The following FSIP1 variants were observed in gnomAD, a reference collection of about 807,000 sequenced individuals.
FSIP1 encodes fibrous sheath interacting protein 1.
A neutral mutation model predicts 60.9 loss-of-function variants in FSIP1; 65 were observed. The ratio of observed to expected loss-of-function variants is 1.07; its 90% confidence interval spans 0.87 to 1.31. The LOEUF (loss-of-function observed/expected upper bound fraction) is 1.31. Ranked by LOEUF, FSIP1 falls within the 40% of genes most tolerant of loss-of-function variation. The probability of loss-of-function intolerance (pLI) is 0.00; values close to 1 mark genes in which losing one functional copy is unlikely to be tolerated. For missense variants in FSIP1, 675 were observed against 665.5 expected, an observed-to-expected ratio of 1.01 and a Z score of -0.16; for synonymous variants, 209 against 221.2, an observed-to-expected ratio of 0.94 and a Z score of 0.49.
At position 39,677,554 on chromosome 15, in the gene FSIP1, C is replaced by T. The variant is rs185301623; in HGVS notation, c.1188+35890G>A. Among the ~76,000 whole-genome samples the T allele has an allele frequency of 9.4e-4, 143 of 152,148 alleles. 1 individual carries two copies. Among genetic ancestry groups the T allele is most frequent in the Non-Finnish European group, 1.8e-3 (122 of 67,992 alleles). On this transcript the variant is annotated intron_variant, in intron 10 of 11. Coordinates refer to ENST00000350221, the MANE Select transcript of FSIP1 (RefSeq NM_152597.5). ...ACCCCTTTAAACCAGTATTTCTACCCCTAGGAATTTATCTGAAGGAAATAA... is the reference window on the plus strand; with the variant it reads ...ACCCCTTTAAACCAGTATTTCTACCTCTAGGAATTTATCTGAAGGAAATAA...
chr15:39,738,224 AT>A, intron 7 of FSIP1, 23 bp from the exon 8 acceptor site: 1 of 1,476,176 alleles, frequency 6.8e-7, no homozygotes. Flanking sequence ...TTAATGGAAA[AT>A]ATCATATACT....
chr15:39,619,791 C>A (rs187463671), intron 10 of FSIP1, among the ~76,000 whole-genome samples: 10 of 152,144 alleles, frequency 6.6e-5, no homozygotes, highest in African/African-American at 2.4e-4. Flanking sequence ...TTAGAAAGAG[C>A]CCGCTGAGTG....
chr15:39,611,603 C>A (rs1214537716), intron 11 of FSIP1, among the ~76,000 whole-genome samples: 2 of 152,188 alleles, frequency 1.3e-5, no homozygotes, highest in African/African-American at 4.8e-5. Context: ...AAAGAAACAA[C>A]AGCTCTACAA....
At chr15:39,625,074 C>T (rs76049034) in intron 10 of FSIP1, among the ~76,000 whole-genome samples, 124 of 152,236 alleles carry the variant, frequency 8.1e-4, no homozygotes, top group African/African-American at 2.7e-3. Context: ...GCAAAGTCAC[C>T]GTGCAGAATC....
intron 5 of FSIP1, among the ~76,000 whole-genome samples, chr15:39,750,223 T>A (rs1022831525): frequency 6.6e-6 from 1 of 151,840 alleles, no homozygotes; most frequent in Non-Finnish European, 1.5e-5. Flanking sequence ...AATATTGTGA[T>A]AATGTCCACA....
intron 10 of FSIP1, among the ~76,000 whole-genome samples, chr15:39,676,098 G>A (rs930818418): frequency 2.8e-4 from 42 of 149,808 alleles, no homozygotes; most frequent in African/African-American, 8.8e-4. Flanking sequence ...GCGTGAACCC[G>A]GAAGGCGGAG....
intron 11 of FSIP1, among the ~76,000 whole-genome samples, chr15:39,613,004 G>GA (rs759590122): frequency 6.6e-6 from 1 of 151,374 alleles, no homozygotes; most frequent in Non-Finnish European, 1.5e-5. Context: ...AAATATAAAA[G>GA]AAAAAAATAT....
chr15:39,694,661 A>G (rs1894739034), intron 10 of FSIP1, among the ~76,000 whole-genome samples: 1 of 151,924 alleles, frequency 6.6e-6, no homozygotes, highest in South Asian at 2.1e-4. Flanking sequence ...TCAGCTGGGT[A>G]TGGTGGTGGG....
chr15:39,675,482 A>G (rs1302223617), intron 10 of FSIP1, among the ~76,000 whole-genome samples: 2 of 152,198 alleles, frequency 1.3e-5, no homozygotes, highest in African/African-American at 4.8e-5. Context: ...AAATTTAGGT[A>G]CATTCTCACT....
At chr15:39,782,374 T>G (rs1182884621) in intron 1 of FSIP1, among the ~76,000 whole-genome samples, 1 of 152,210 alleles carries the variant, frequency 6.6e-6, no homozygotes, top group Non-Finnish European at 1.5e-5. Flanking sequence ...GGTGGGAAGA[T>G]CCAAATCTCG....
chr15:39,773,841 A>G (rs965708277), intron 2 of FSIP1, among the ~76,000 whole-genome samples: 1 of 152,212 alleles, frequency 6.6e-6, no homozygotes, highest in Admixed American at 6.5e-5. Flanking sequence ...TAGATCAGTA[A>G]TTGTAAGGGA....
At chr15:39,663,356 T>A (rs1230130693) in intron 10 of FSIP1, among the ~76,000 whole-genome samples, 2 of 146,450 alleles carry the variant, frequency 1.4e-5, no homozygotes, top group Non-Finnish European at 3.0e-5. Context: ...CCAGAGAACA[T>A]AAGATATAAA....
intron 10 of FSIP1, among the ~76,000 whole-genome samples, chr15:39,661,811 G>T (rs564661573): frequency 6.6e-6 from 1 of 152,248 alleles, no homozygotes; most frequent in South Asian, 2.1e-4. Flanking sequence ...TGCCCAGCTG[G>T]AAGTCACTCT....
chr15:39,624,555 G>C (rs993166879), intron 10 of FSIP1, among the ~76,000 whole-genome samples: 1 of 152,170 alleles, frequency 6.6e-6, no homozygotes, highest in South Asian at 2.1e-4. Flanking sequence ...AAAATAATTG[G>C]TGTTCATTTT....
intron 10 of FSIP1, among the ~76,000 whole-genome samples, chr15:39,643,741 T>C (rs1368694486): frequency 6.6e-6 from 1 of 152,248 alleles, no homozygotes; most frequent in Admixed American, 6.5e-5. Flanking sequence ...AAGTCTGGTC[T>C]TTATTTCTGA....
Position 39,758,431 on chromosome 15 carries a change from C to T in FSIP1, c.559+5390G>A, listed in dbSNP as rs145773515. Among the ~76,000 whole-genome samples, 492 of 152,110 alleles carry T rather than the reference C, an allele frequency of 3.2e-3. 3 individuals are homozygous for T. The highest frequency in any genetic ancestry group is 0.011 in the African/African-American group (475 of 41,498). On this transcript the variant is annotated intron_variant, in intron 5 of 11. Coordinates refer to ENST00000350221, the MANE Select transcript of FSIP1 (RefSeq NM_152597.5). ...ACCCACTAGAAAAATCAGTATTTGA[C>T]TCCTGGTTTCCAAACTATAGACATT...
In FSIP1 at chr15:39,674,305, C is replaced by T. The variant is rs925513498; in HGVS notation, c.1188+39139G>A. 3.3e-5 allele frequency among the ~76,000 whole-genome samples: 5 copies of T among 152,244 alleles called. No homozygotes were observed. In the South Asian group the frequency reaches 6.2e-4, roughly 19 times the overall value. ...TCCTGACCTTGTGATCCGCCCGCCTCGGCCTCCCAAAGTGCTAGGATTACA... is the reference window on the plus strand; with the variant it reads ...TCCTGACCTTGTGATCCGCCCGCCTTGGCCTCCCAAAGTGCTAGGATTACA... On this transcript the variant is annotated intron_variant, in intron 10 of 11. Coordinates refer to ENST00000350221, the MANE Select transcript of FSIP1 (RefSeq NM_152597.5).
intron 8 of FSIP1, among the ~76,000 whole-genome samples, chr15:39,726,977 AG>A (rs760740691): frequency 3.9e-5 from 6 of 152,338 alleles, no homozygotes; most frequent in African/African-American, 1.4e-4. Context: ...TAATATTTTA[AG>A]GGGGGTTTCC....
At chr15:39,750,936 G>A (rs1357940300) in intron 5 of FSIP1, among the ~76,000 whole-genome samples, 1 of 151,762 alleles carries the variant, frequency 6.6e-6, no homozygotes, top group Non-Finnish European at 1.5e-5. Context: ...CAACTCAATA[G>A]CAAGAAAACA....
Sources: gnomAD v4.1 joint callset for allele counts (sites outside exome capture counted in the v4.1 genomes callset) on GRCh38, gnomAD v4.1.1 for gene constraint, MANE v1.5 for transcripts, NCBI Gene and HGNC (gene_info 2026-07-23, HGNC 2026-07-21) for gene names.